Variants in COL25A1 observed in about 807,000 individuals in gnomAD.
The protein encoded by COL25A1 is collagen type XXV alpha 1 chain.
In COL25A1, 103 loss-of-function variants were observed where a neutral mutation model predicts 128.4. The ratio of observed to expected loss-of-function variants is 0.80; its 90% CI spans 0.68 to 0.94. The LOEUF (loss-of-function observed/expected upper bound fraction) is 0.94, where lower values mean the gene tolerates loss of function less well. COL25A1 is among the 40% of genes least tolerant of loss of function. The pLI is 0.00. For missense variants in COL25A1, 745 were observed against 840.0 expected (o/e 0.89, Z 1.40); for synonymous variants, 279 against 277.2 (o/e 1.01, Z -0.06).
At chr4:109,022,134 G>T in intron 5 of COL25A1, 1 of 452,134 alleles carries the variant, frequency 2.2e-6, no homozygotes, top group South Asian at 1.6e-5. Flanking sequence ...ATAAAAACTT[G>T]CTGGTTTTAC....
rs554961058 is a variant in COL25A1, at chr4:108,846,298, G to A, written c.1435-79C>T. ...TACATCCTAGGGAAAACAGAATTCC[G>A]ATCAATTTCGTTAATAGGTGGGTTC... On this transcript the variant is annotated intron_variant, in intron 27 of 37. Coordinates refer to ENST00000399132, the MANE Select transcript of COL25A1 (RefSeq NM_198721.4). 1.4e-3 allele frequency: 845 copies of A among 597,732 alleles called. 6 individuals carry two copies. In the African/African-American group the frequency reaches 0.045, roughly 32 times the overall value. The allele number at this position is 597,732 out of a possible 1,614,324, so 37.0% of individuals were successfully genotyped here.
At chr4:109,078,341 C>T (rs1763558542) in intron 3 of COL25A1, among the ~76,000 whole-genome samples, 1 of 152,110 alleles carries the variant, frequency 6.6e-6, no homozygotes, top group South Asian at 2.1e-4. Context: ...TTAAGTTAAC[C>T]ATGTGAATTT....
intron 3 of COL25A1, among the ~76,000 whole-genome samples, chr4:109,219,072 T>C (rs952502993): frequency 6.6e-6 from 1 of 152,144 alleles, no homozygotes; most frequent in Non-Finnish European, 1.5e-5. Context: ...TTTATATTAA[T>C]GAGTTAGTAC....
chr4:108,846,836 T>C (rs113613151), intron 27 of COL25A1, among the ~76,000 whole-genome samples: 1 of 152,194 alleles, frequency 6.6e-6, no homozygotes, highest in African/African-American at 2.4e-5. Flanking sequence ...GAATGGTATT[T>C]TTATTCTCCT....
chr4:108,878,280 A>T (rs1211737910), intron 19 of COL25A1, among the ~76,000 whole-genome samples: 2 of 152,130 alleles, frequency 1.3e-5, no homozygotes, highest in South Asian at 2.1e-4. Context: ...TAAAGCAGGT[A>T]ATATTTTCCA....
chr4:109,114,469 AG>A (rs1333486026), intron 3 of COL25A1, among the ~76,000 whole-genome samples: 3 of 152,048 alleles, frequency 2.0e-5, no homozygotes. Flanking sequence ...ATCAGAGCTG[AG>A]CTTTGAAACA....
chr4:109,169,185 C>A (rs1377417246), intron 3 of COL25A1, among the ~76,000 whole-genome samples: 2 of 152,196 alleles, frequency 1.3e-5, no homozygotes, highest in Non-Finnish European at 2.9e-5. Flanking sequence ...TGTCCTGACA[C>A]ATGCAATACC....
intron 9 of COL25A1, among the ~76,000 whole-genome samples, chr4:108,941,050 G>A (rs1423934927): frequency 3.3e-5 from 5 of 152,240 alleles, no homozygotes; most frequent in South Asian, 2.1e-4. Context: ...AGCATATGAG[G>A]CTCCCATCAT....
intron 3 of COL25A1, among the ~76,000 whole-genome samples, chr4:109,287,450 C>T (rs981356433): frequency 6.6e-6 from 1 of 152,162 alleles, no homozygotes; most frequent in Non-Finnish European, 1.5e-5. Context: ...AGTCGACTGG[C>T]ATTAGGTAAT....
At chr4:108,857,413 C>T (rs1736656517) in intron 24 of COL25A1, among the ~76,000 whole-genome samples, 1 of 151,892 alleles carries the variant, frequency 6.6e-6, no homozygotes, top group African/African-American at 2.4e-5. Flanking sequence ...CTACTTACAT[C>T]GAATCCAATT....
chr4:109,280,767 C>T (rs112726550), intron 3 of COL25A1, among the ~76,000 whole-genome samples: 3,441 of 151,994 alleles, frequency 0.023, 138 homozygotes, highest in African/African-American at 0.077. Flanking sequence ...ATTCTCCTGC[C>T]TCAGCCTCCC....
At chr4:108,999,685 T>C (rs980726915) in intron 6 of COL25A1, among the ~76,000 whole-genome samples, 1 of 152,218 alleles carries the variant, frequency 6.6e-6, no homozygotes. Context: ...ATTACGGCAC[T>C]ATTCACAATA....
At chr4:108,952,914 A>G (rs528030352) in intron 8 of COL25A1, among the ~76,000 whole-genome samples, 1 of 128,190 alleles carries the variant, frequency 7.8e-6, no homozygotes, top group African/African-American at 3.0e-5. Context: ...TGGGAACTCT[A>G]TTCAGTACTC....
At chr4:109,279,287 A>C (rs1221993519) in intron 3 of COL25A1, among the ~76,000 whole-genome samples, 1 of 152,176 alleles carries the variant, frequency 6.6e-6, no homozygotes, top group Non-Finnish European at 1.5e-5. Context: ...GTTTGGCCAG[A>C]AAGAACGGAA....
chr4:109,103,319 T>C (rs998299102), intron 3 of COL25A1, among the ~76,000 whole-genome samples: 2 of 151,402 alleles, frequency 1.3e-5, no homozygotes, highest in African/African-American at 4.9e-5. Flanking sequence ...AAATGTTAAC[T>C]CTCTAGACAA....
chr4:109,088,522 A>G (rs139163199), intron 3 of COL25A1, among the ~76,000 whole-genome samples: 1 of 152,354 alleles, frequency 6.6e-6, no homozygotes, highest in African/African-American at 2.4e-5. Flanking sequence ...CCATGAATCT[A>G]TAAATGTCTA....
At chr4:109,100,852 G>A (rs749105454) in intron 3 of COL25A1, among the ~76,000 whole-genome samples, 4 of 152,218 alleles carry the variant, frequency 2.6e-5, no homozygotes, top group East Asian at 1.9e-4. Flanking sequence ...AAATACTCCC[G>A]ATTCCAATTG....
intron 3 of COL25A1, among the ~76,000 whole-genome samples, chr4:109,138,690 G>GTTTTTGT (rs574705590): frequency 3.4e-4 from 51 of 150,866 alleles, no homozygotes; most frequent in South Asian, 2.1e-3. Context: ...TTTTGTTTTT[G>GTTTTTGT]TTTTTGTTTT....
chr4:108,905,091 G>A (rs1743317925), intron 13 of COL25A1, among the ~76,000 whole-genome samples: 1 of 152,050 alleles, frequency 6.6e-6, no homozygotes, highest in Admixed American at 6.5e-5. Context: ...CAGTAATATT[G>A]TTCATCATCA....
Sources: allele counts gnomAD v4.1 joint callset (sites outside exome capture counted in the v4.1 genomes callset), GRCh38; gene constraint gnomAD v4.1.1; transcripts MANE v1.5; gene names NCBI Gene and HGNC (gene_info 2026-07-23, HGNC 2026-07-21).